Variants in MAST4 observed in about 807,000 individuals in gnomAD.
MAST4 encodes the protein microtubule associated serine/threonine kinase family member 4.
Under a neutral mutation model 162.7 loss-of-function variants are expected in MAST4, and 89 were observed. The ratio of observed to expected loss-of-function variants is 0.55; its 90% confidence interval spans 0.46 to 0.65. MAST4 has a LOEUF of 0.65. MAST4 is among the 30% of genes least tolerant of loss of function. The pLI is 0.00. For synonymous variants in MAST4, 1,479 were observed against 1,361.1 expected, an observed-to-expected ratio of 1.09 and a Z score of -1.91; for missense variants, 3,153 against 3,374.0, an observed-to-expected ratio of 0.93 and a Z score of 1.62.
At chr5:67,000,832 T>C (rs1448299531) in intron 4 of MAST4, among the ~76,000 whole-genome samples, 2 of 152,122 alleles carry the variant, frequency 1.3e-5, no homozygotes, top group Admixed American at 6.5e-5. Context: ...GCATTTTTTG[T>C]ATGTAGAAGG....
At chr5:67,062,560 C>A (rs778588157) in intron 5 of MAST4, among the ~76,000 whole-genome samples, 2 of 152,130 alleles carry the variant, frequency 1.3e-5, no homozygotes, top group African/African-American at 4.8e-5. Flanking sequence ...TAAAAATGTT[C>A]ATTCAGCAAG....
At chr5:66,760,077 C>CAA (rs58766667) in intron 2 of MAST4, among the ~76,000 whole-genome samples, 61 of 147,260 alleles carry the variant, frequency 4.1e-4, no homozygotes, top group African/African-American at 1.4e-3. Flanking sequence ...ACAATATCCC[C>CAA]TATTTATTTA....
chr5:66,988,341 A>G (rs1289655561), intron 4 of MAST4, among the ~76,000 whole-genome samples: 1 of 152,158 alleles, frequency 6.6e-6, no homozygotes, highest in Non-Finnish European at 1.5e-5. Context: ...GGCTTGATAT[A>G]TGGGTGTATC....
chr5:66,920,524 A>G (rs1360508347), intron 4 of MAST4, among the ~76,000 whole-genome samples: 1 of 152,162 alleles, frequency 6.6e-6, no homozygotes, highest in Non-Finnish European at 1.5e-5. Context: ...TGTTTCTCTT[A>G]TAATACCTAC....
chr5:66,671,048 C>T (rs959183191), intron 1 of MAST4, among the ~76,000 whole-genome samples: 2 of 152,072 alleles, frequency 1.3e-5, no homozygotes, highest in Non-Finnish European at 2.9e-5. Context: ...TATATGGTTG[C>T]TGTGATTGTG....
intron 4 of MAST4, among the ~76,000 whole-genome samples, chr5:67,046,212 C>T (rs1047150056): frequency 3.9e-5 from 6 of 152,026 alleles, no homozygotes; most frequent in Admixed American, 6.6e-5. Context: ...AATAGCCTAA[C>T]GAGGCATTTC....
chr5:66,610,582 C>G (rs1332720072), intron 1 of MAST4, among the ~76,000 whole-genome samples: 1 of 152,190 alleles, frequency 6.6e-6, no homozygotes, highest in Non-Finnish European at 1.5e-5. Flanking sequence ...AGTGCGGCCT[C>G]TAGCTTTTTG....
intron 1 of MAST4, among the ~76,000 whole-genome samples, chr5:66,637,820 C>T (rs960554786): frequency 6.6e-6 from 1 of 152,042 alleles, no homozygotes; most frequent in African/African-American, 2.4e-5. Context: ...ATCTGAACCT[C>T]CCACCTCAGC....
intron 27 of MAST4, among the ~76,000 whole-genome samples, chr5:67,161,910 G>A (rs937867487): frequency 7.2e-5 from 11 of 152,164 alleles, no homozygotes; most frequent in African/African-American, 2.7e-4. Flanking sequence ...AGGCTTATAT[G>A]GTAAAAGAAC....
rs1554058478 is a variant in MAST4 at position 66,845,126 on chromosome 5, T to TACACACAC, written c.643-54820_643-54813dup. On this transcript the variant is annotated intron_variant, in intron 3 of 28. Transcript: ENST00000403625. The stretch of plus-strand genomic sequence containing the variant: ...ATATATATATATATATATATATATA[T>TACACACAC]ACACACACACACTTGAAGTTCTAGG... 6.0e-4 allele frequency among the ~76,000 whole-genome samples: 40 copies of TACACACAC among 67,168 alleles called. No individual in the cohort carries two copies. The South Asian group carries it at 7.4e-3, about 12-fold the overall frequency. 44.1% of individuals were successfully genotyped at this position (67,168 alleles called of 152,430 possible). A position where few individuals can be genotyped will look rare whatever the true frequency, so the allele number is the denominator to read the frequency against.
At chr5:66,876,744 C>T (rs16895790) in intron 3 of MAST4, among the ~76,000 whole-genome samples, 5,967 of 152,146 alleles carry the variant, frequency 0.039, 194 homozygotes, top group East Asian at 0.12. Context: ...TTGTATGAGG[C>T]GTGTACCCAG....
chr5:66,790,701 T>A (rs1001463786), intron 3 of MAST4, among the ~76,000 whole-genome samples: 2 of 151,896 alleles, frequency 1.3e-5, no homozygotes, highest in Non-Finnish European at 2.9e-5. Flanking sequence ...CATACTACTG[T>A]GCCTGGCTTG....
At chr5:66,618,037 G>T (rs1414497774) in intron 1 of MAST4, among the ~76,000 whole-genome samples, 2 of 151,980 alleles carry the variant, frequency 1.3e-5, no homozygotes, top group Admixed American at 1.3e-4. Flanking sequence ...GAGGAATGGG[G>T]GGGGGGCCCT....
chr5:67,114,459 C>T (rs1416621417), intron 12 of MAST4: 1 of 435,584 alleles, frequency 2.3e-6, no homozygotes, highest in Non-Finnish European at 4.0e-6. Context: ...ATCCTAGAAG[C>T]ATGTCAGCCT....
intron 3 of MAST4, among the ~76,000 whole-genome samples, chr5:66,858,551 A>G (rs1245878009): frequency 6.6e-6 from 1 of 152,160 alleles, no homozygotes; most frequent in Non-Finnish European, 1.5e-5. Flanking sequence ...TCATGAGTGA[A>G]TCCCACATGA....
At chr5:66,837,465 G>T (rs1367371726) in intron 3 of MAST4, among the ~76,000 whole-genome samples, 1 of 152,012 alleles carries the variant, frequency 6.6e-6, no homozygotes, top group Non-Finnish European at 1.5e-5. Context: ...TCTAAGAAAA[G>T]CCTTTATGTA....
intron 9 of MAST4, among the ~76,000 whole-genome samples, chr5:67,103,024 T>A (rs559233533): frequency 6.6e-6 from 1 of 152,368 alleles, no homozygotes; most frequent in East Asian, 1.9e-4. Flanking sequence ...GTTGCTGTTG[T>A]TGTTGTTTTT....
chr5:67,159,052 G>A (rs1772883140), intron 26 of MAST4, among the ~76,000 whole-genome samples: 1 of 152,118 alleles, frequency 6.6e-6, no homozygotes, highest in Admixed American at 6.6e-5. Flanking sequence ...AACAAAAAAA[G>A]AGAACAATAG....
intron 1 of MAST4, among the ~76,000 whole-genome samples, chr5:66,692,090 G>A (rs1749076644): frequency 1.3e-5 from 2 of 152,108 alleles, no homozygotes; most frequent in Admixed American, 1.3e-4. Flanking sequence ...AGGTTACACT[G>A]CACTCTCAGG....
Sources: allele counts gnomAD v4.1 joint callset (sites outside exome capture counted in the v4.1 genomes callset), GRCh38; gene constraint gnomAD v4.1.1; transcripts MANE v1.5; gene names NCBI Gene and HGNC (gene_info 2026-07-23, HGNC 2026-07-21).